Variants in PSMD3 observed in about 807,000 individuals in gnomAD.
PSMD3 encodes the protein proteasome 26S subunit, non-ATPase 3, also known as 26S proteasome non-ATPase regulatory subunit 3.
Under a neutral mutation model 62.8 loss-of-function variants are expected in PSMD3, and 5 were observed. That is an observed-to-expected ratio of 0.08 (90% CI 0.04 to 0.17). PSMD3 has a LOEUF of 0.17. Ranked by LOEUF, PSMD3 falls within the 10% of genes least tolerant of loss-of-function variation. The pLI, the probability that PSMD3 is intolerant of heterozygous loss-of-function variation, is 1.00. For synonymous variants in PSMD3, 265 were observed against 283.9 expected (o/e 0.93, Z 0.67); for missense variants, 524 against 713.6 (o/e 0.73, Z 3.03).
At chr17:39,994,322 G>A (rs1263397633) in intron 6 of PSMD3, 3 of 152,738 alleles carry the variant, frequency 2.0e-5, no homozygotes, top group African/African-American at 7.2e-5. Context: ...GAGTTGGGGG[G>A]CGTCATTCCC....
intron 1 of PSMD3, among the ~76,000 whole-genome samples, chr17:39,984,027 G>A (rs368541011): frequency 1.3e-3 from 196 of 152,012 alleles, no homozygotes; most frequent in African/African-American, 4.2e-3. Flanking sequence ...GTGAAACCCC[G>A]TCTCTACTAA....
At chr17:39,991,100 T>C (rs1278918633) in intron 6 of PSMD3, among the ~76,000 whole-genome samples, 3 of 152,158 alleles carry the variant, frequency 2.0e-5, no homozygotes, top group African/African-American at 7.2e-5. Flanking sequence ...TGCCTCAGCT[T>C]CCTCAGTAGC....
Position 39,980,931 on chromosome 17 carries a change from C to A in PSMD3, c.-40C>A, listed in dbSNP as rs766259564. The A allele has an allele frequency of 6.4e-5, 93 of 1,457,674 alleles. No homozygotes were observed. Among genetic ancestry groups the A allele is most frequent in the Non-Finnish European group, 8.1e-5 (90 of 1,105,976 alleles). 90.3% of individuals were successfully genotyped at this position (1,457,674 alleles called of 1,614,324 possible). A position where few individuals can be genotyped will look rare whatever the true frequency, so the allele number is the denominator to read the frequency against. The stretch of plus-strand genomic sequence containing the variant: ...CCGGTGCGAGGGTTAACGCGAGGCC[C>A]CGGCCTCGGTCCCCGGACTAGGCCG... On this transcript the variant is annotated 5_prime_UTR_variant, in exon 1 of 12. Coordinates refer to ENST00000264639, the MANE Select transcript of PSMD3 (RefSeq NM_002809.4).
At chr17:39,986,771 G>A (rs1980536705) in intron 3 of PSMD3, 59 bp downstream of exon 3, 3 of 1,578,850 alleles carry the variant, frequency 1.9e-6, no homozygotes, top group Admixed American at 3.4e-5. Context: ...GGGTTTGGCG[G>A]GGAGATGGTC....
Position 39,997,674 on chromosome 17 carries a change from C to T in PSMD3, c.*93C>T. 1 of 1,412,894 alleles carries T rather than the reference C, an allele frequency of 7.1e-7. No individual in the cohort carries two copies. The highest frequency in any genetic ancestry group is 1.2e-5 in the South Asian group (1 of 82,830). 87.5% of individuals were successfully genotyped at this position (1,412,894 alleles called of 1,614,324 possible). A position where few individuals can be genotyped will look rare whatever the true frequency, so the allele number is the denominator to read the frequency against. ...AGGGCACTGTCCCCATTTTCCCACA[C>T]ACAGCTCATATGCTGCATTCGTGCA... On this transcript the variant is annotated 3_prime_UTR_variant, in exon 12 of 12. Transcript: ENST00000264639.
At chr17:39,990,287 TC>T (rs2144812761) in intron 6 of PSMD3, 90 bp downstream of exon 6, 1 of 1,196,554 alleles carries the variant, frequency 8.4e-7, no homozygotes, top group African/African-American at 1.6e-5. Context: ...GGTCTTGAAC[TC>T]CTGGGTTCAA....
intron 6 of PSMD3, among the ~76,000 whole-genome samples, chr17:39,991,750 G>A (rs1980659566): frequency 6.6e-6 from 1 of 152,122 alleles, no homozygotes; most frequent in South Asian, 2.1e-4. Flanking sequence ...GGGTCTTAAA[G>A]AAAAAGTTGG....
At chr17:39,989,248 A>G (rs1468084824) in intron 4 of PSMD3, among the ~76,000 whole-genome samples, 3 of 152,048 alleles carry the variant, frequency 2.0e-5, no homozygotes, top group African/African-American at 7.2e-5. Context: ...CCTCAGCCCC[A>G]CTGGCCTGCC....
rs550127262 is a variant in PSMD3 at position 39,984,178 on chromosome 17, C to T, written c.221-116C>T. 2.2e-4 allele frequency: 203 copies of T among 923,544 alleles called. 2 individuals are homozygous for T. In the African/African-American group the frequency reaches 3.6e-3, roughly 16 times the overall value. The allele number at this position is 923,544 out of a possible 1,614,324, so 57.2% of individuals were successfully genotyped here. On this transcript the variant is annotated intron_variant, in intron 1 of 11. Coordinates refer to ENST00000264639, the MANE Select transcript of PSMD3 (RefSeq NM_002809.4). ...TCACACCACTGCACTCCGGCCTGGG[C>T]GACAGAGTGAGACTCCGTCTCAAAA...
At chr17:39,992,617 C>A (rs1980684285) in intron 6 of PSMD3, among the ~76,000 whole-genome samples, 1 of 152,212 alleles carries the variant, frequency 6.6e-6, no homozygotes, top group African/African-American at 2.4e-5. Flanking sequence ...GAATGTCTCT[C>A]TCCGCCCATT....
chr17:39,984,243 T>C, intron 1 of PSMD3, 51 bp from the exon 2 acceptor site: 2 of 1,087,710 alleles, frequency 1.8e-6, no homozygotes, highest in South Asian at 3.3e-5. Context: ...CCTGGAGTGG[T>C]GGGGGACTAG....
chr17:39,991,841 C>T (rs1044918839), intron 6 of PSMD3, among the ~76,000 whole-genome samples: 1 of 151,998 alleles, frequency 6.6e-6, no homozygotes, highest in Non-Finnish European at 1.5e-5. Context: ...ACCTGAGCAA[C>T]ATATGGAGAC....
chr17:39,981,242 C>T (rs1186410306), intron 1 of PSMD3, 52 bp downstream of exon 1: 1 of 1,546,036 alleles, frequency 6.5e-7, no homozygotes, highest in Non-Finnish European at 8.7e-7. Flanking sequence ...ACAGCGACCC[C>T]TGTGATTTGG....
chr17:39,982,510 G>A (rs1405948238), intron 1 of PSMD3, among the ~76,000 whole-genome samples: 10 of 152,134 alleles, frequency 6.6e-5, no homozygotes, highest in Non-Finnish European at 1.3e-4. Context: ...ATTAACATTC[G>A]TAAACATAAT....
chr17:39,983,875 C>T (rs934273754), intron 1 of PSMD3, among the ~76,000 whole-genome samples: 1 of 152,126 alleles, frequency 6.6e-6, no homozygotes, highest in African/African-American at 2.4e-5. Flanking sequence ...GGTGAGTGGT[C>T]GCATTTTGCC....
rs780747584 is a variant in PSMD3, at chr17:39,984,328, G to A, written c.255G>A (p.Ala85=). 2.2e-5 allele frequency: 36 copies of A among 1,613,530 alleles called. No homozygotes were observed. Among genetic ancestry groups the A allele is most frequent in the Admixed American group, 1.8e-4 (11 of 59,974 alleles). ...IKEHVKQLEK[A]VSGKEPRFVL... ...AGCACGTGAAACAGCTAGAGAAAGC[G>A]GTTTCAGGCAAGGAGCCGAGATTCG... Residue 85 remains alanine (A), a synonymous_variant, in exon 2 of 12, where the codon GCG becomes GCA. Transcript: ENST00000264639.
chr17:39,992,482 C>T (rs926331362), intron 6 of PSMD3, among the ~76,000 whole-genome samples: 1 of 152,196 alleles, frequency 6.6e-6, no homozygotes, highest in Non-Finnish European at 1.5e-5. Context: ...TCCTAACAGG[C>T]CTTGGGTGAT....
In PSMD3 at chr17:39,986,585, C is replaced by G. The variant is rs1172857117; in HGVS notation, c.422C>G (p.Thr141Arg). ...LLPFLEEPMDTEADLQFRPRT... is the reference protein window; with the variant it reads ...LLPFLEEPMDREADLQFRPRT... The stretch of plus-strand genomic sequence containing the variant: ...TCTGTCCTCTCCTAGCCCATGGACA[C>G]AGAGGCTGATTTACAGTTCCGTCCC... The change falls in exon 3 of 12, where the codon ACA becomes AGA. Residue 141 changes from threonine (T) to arginine (R), a missense_variant. Physicochemically the swap from Thr to Arg is moderately conservative, Grantham distance 71. Around this residue, in one of 4 missense-constraint regions of PSMD3, gnomAD observed 396 missense variants for 475.8 expected, o/e 0.83. Coordinates refer to ENST00000264639, the MANE Select transcript of PSMD3 (RefSeq NM_002809.4). The G allele has an allele frequency of 6.2e-7, 1 of 1,614,072 alleles. No homozygotes were observed. Among genetic ancestry groups the G allele is most frequent in the Non-Finnish European group, 8.5e-7 (1 of 1,180,042 alleles).
At position 39,995,642 on chromosome 17, in the gene PSMD3, C is replaced by T. The variant is rs1419873807; in HGVS notation, c.1320+115C>T. On this transcript the variant is annotated intron_variant, in intron 9 of 11. Coordinates refer to ENST00000264639, the MANE Select transcript of PSMD3 (RefSeq NM_002809.4). This position sits in a 1 kb window ranked among gnomAD's most constrained non-coding sequence, Gnocchi z 4.1. ...GGAATAGGTAAAGCAATGGCATAGT[C>T]ATTTCAGGGCGTGCCCGTCATTTGC... 1 of 1,004,372 alleles carries T rather than the reference C, an allele frequency of 1.0e-6. No homozygotes were observed. The highest frequency in any genetic ancestry group is 1.6e-5 in the African/African-American group (1 of 62,358). The allele number at this position is 1,004,372 out of a possible 1,614,324, so 62.2% of individuals were successfully genotyped here. A position where few individuals can be genotyped will look rare whatever the true frequency, so the allele number is the denominator to read the frequency against.
Sources: allele counts gnomAD v4.1 joint callset (sites outside exome capture counted in the v4.1 genomes callset), GRCh38; gene constraint gnomAD v4.1.1; regional missense constraint gnomAD v4.1.1; non-coding constraint Gnocchi (gnomAD v3.1); transcripts MANE v1.5; gene names NCBI Gene and HGNC (gene_info 2026-07-23, HGNC 2026-07-21).